The following STAT3 variants were observed in gnomAD, a reference collection of about 807,000 sequenced individuals.
STAT3 encodes the protein DNA-binding protein APRF.
In STAT3, 7 loss-of-function variants were observed where a neutral mutation model predicts 114.3. The observed-to-expected ratio is 0.06, with a 90% CI of 0.03 to 0.11. The LOEUF (loss-of-function observed/expected upper bound fraction) is 0.11. Among genes scored for constraint, STAT3 ranks in the 10% least tolerant of loss-of-function variants. STAT3 has a pLI of 1.00. For missense variants in STAT3, 364 were observed against 960.9 expected, an observed-to-expected ratio of 0.38 and a Z score of 8.21; for synonymous variants, 331 against 354.5, an observed-to-expected ratio of 0.93 and a Z score of 0.74.
intron 1 of STAT3, among the ~76,000 whole-genome samples, chr17:42,359,324 C>G (rs2083394483): frequency 6.6e-6 from 1 of 152,142 alleles, no homozygotes; most frequent in Non-Finnish European, 1.5e-5. Flanking sequence ...GTGATAATCA[C>G]TAATCAGCTT....
rs868518205 is a variant in STAT3 at position 42,338,481 on chromosome 17, G to T, written c.550+250C>A. 0.016 allele frequency among the ~76,000 whole-genome samples: 446 copies of T among 27,264 alleles called. No homozygotes were observed. The highest frequency in any genetic ancestry group is 0.048 in the African/African-American group (333 of 6,960). 17.9% of individuals were successfully genotyped at this position (27,264 alleles called of 152,430 possible). On this transcript the variant is annotated intron_variant, in intron 6 of 23. Transcript: ENST00000264657. ...CTCCTGGACCTGAGGGAATACTCCT[G>T]GACCTGAGGGAATACTCCTTGACCT...
chr17:42,323,083 T>C lies in STAT3; in HGVS notation c.1809A>G (p.Pro603=), dbSNP rs766899484. The change falls in exon 20 of 24, where the codon CCA becomes CCG. Residue 603 remains proline (P), a synonymous_variant. Coordinates refer to ENST00000264657, the MANE Select transcript of STAT3 (RefSeq NM_139276.3). ...RERAILSTKP[P]GTFLLRFSES... ...CACTGAATCTTAGCAGGAAGGTGCC[T>C]GGAGGCTTAGTGCTCAAGATGGCCC... 1 of 1,614,198 alleles carries C rather than the reference T, an allele frequency of 6.2e-7. No individual in the cohort carries two copies. The highest frequency in any genetic ancestry group is 8.5e-7 in the Non-Finnish European group (1 of 1,180,034).
chr17:42,367,699 C>A (rs764168815), intron 1 of STAT3, among the ~76,000 whole-genome samples: 1 of 152,172 alleles, frequency 6.6e-6, no homozygotes, highest in African/African-American at 2.4e-5. Flanking sequence ...TCATCGCCCT[C>A]CATTGTTCAT....
chr17:42,315,930 G>C lies in STAT3; in HGVS notation c.2258-130C>G, dbSNP rs545531357. 1.9e-6 allele frequency: 3 copies of C among 1,566,568 alleles called. No individual in the cohort carries two copies. In the African/African-American group the frequency reaches 4.1e-5, roughly 21 times the overall value. On this transcript the variant is annotated intron_variant, in intron 23 of 23. Transcript: ENST00000264657. Reference sequence around the variant, plus strand: ...CCAATCTCCTGCCCCTTAAGGCCCAGGGATGGTCAGAAAAGCCAGATTTAC... The same window carrying C: ...CCAATCTCCTGCCCCTTAAGGCCCACGGATGGTCAGAAAAGCCAGATTTAC...
rs764577805 is a variant in STAT3 at position 42,333,938 on chromosome 17, C to T, written c.909G>A (p.Pro303=). 14 of 1,614,222 alleles carry T rather than the reference C, an allele frequency of 8.7e-6. No individual in the cohort carries two copies. The highest frequency in any genetic ancestry group is 1.2e-5 in the Non-Finnish European group (14 of 1,180,052). ...GCTCCACGATTCTCTCCTCCAGCAT[C>T]GGCCGGTGCTGTACAATGGGGTCCC... is the stretch of plus-strand genomic sequence containing the variant. The part of the protein sequence containing the change: ...YKGDPIVQHR[P]MLEERIVELF... Residue 303 remains proline, a synonymous_variant, in exon 9 of 24, where the codon CCG becomes CCA. Coordinates refer to ENST00000264657, the MANE Select transcript of STAT3 (RefSeq NM_139276.3). This position sits in a 1 kb window ranked among gnomAD's most constrained non-coding sequence, Gnocchi z 5.2.
intron 1 of STAT3, among the ~76,000 whole-genome samples, chr17:42,354,985 G>A (rs559268589): frequency 1.3e-5 from 2 of 152,134 alleles, no homozygotes; most frequent in East Asian, 3.9e-4. Flanking sequence ...TACTTCCATA[G>A]TCTTCTCCTT....
At chr17:42,351,732 G>C (rs1296588435) in intron 1 of STAT3, among the ~76,000 whole-genome samples, 2 of 151,938 alleles carry the variant, frequency 1.3e-5, no homozygotes, top group East Asian at 3.9e-4. Context: ...AGGCCAATAC[G>C]CTTCTATAAA....
intron 1 of STAT3, among the ~76,000 whole-genome samples, chr17:42,377,503 T>C (rs780229131): frequency 3.4e-4 from 51 of 152,200 alleles, no homozygotes; most frequent in Non-Finnish European, 6.5e-4. Flanking sequence ...CTGCTATATA[T>C]GGAAGGAACA....
intron 1 of STAT3, among the ~76,000 whole-genome samples, chr17:42,378,700 C>G (rs2084610049): frequency 6.6e-6 from 1 of 152,148 alleles, no homozygotes; most frequent in African/African-American, 2.4e-5. Flanking sequence ...GAAAAAAATT[C>G]AAAGGCCGAC....
chr17:42,357,991 C>T (rs2083309175), intron 1 of STAT3, among the ~76,000 whole-genome samples: 1 of 152,090 alleles, frequency 6.6e-6, no homozygotes, highest in Non-Finnish European at 1.5e-5. Context: ...CTGTAATGTT[C>T]AATTACATAT....
intron 1 of STAT3, among the ~76,000 whole-genome samples, chr17:42,384,557 A>AT (rs35561964): frequency 1.9e-3 from 283 of 145,288 alleles, no homozygotes; most frequent in Middle Eastern, 0.018. Context: ...GCTACCAGGA[A>AT]TTTTTTTTTT....
rs564886780 is a variant in STAT3, at chr17:42,382,168, C to G, written c.-24+6111G>C. On this transcript the variant is annotated intron_variant, in intron 1 of 23. Coordinates refer to ENST00000264657, the MANE Select transcript of STAT3 (RefSeq NM_139276.3). Reference sequence around the variant, plus strand: ...CTATAAAACCCTATTCAGGTGTTCCCATCTGATAAAGCCCCTCAATAATGA... The same window carrying G: ...CTATAAAACCCTATTCAGGTGTTCCGATCTGATAAAGCCCCTCAATAATGA... Among the ~76,000 whole-genome samples the G allele has an allele frequency of 5.3e-4, 80 of 152,296 alleles. 3 individuals are homozygous for G. In the South Asian group the frequency reaches 0.016, roughly 31 times the overall value.
At chr17:42,323,223 G>C (rs773263784) in intron 19 of STAT3, 37 bp downstream of exon 19, 2 of 1,613,986 alleles carry the variant, frequency 1.2e-6, no homozygotes, top group Non-Finnish European at 1.7e-6. Flanking sequence ...GAGAGCAGGG[G>C]ACTTGGTTAC....
rs1355890980 is a variant in STAT3 at position 42,313,886 on chromosome 17, T to C, written c.*1859A>G. 1 of 232,646 alleles carries C rather than the reference T, an allele frequency of 4.3e-6. No individual in the cohort carries two copies. Among genetic ancestry groups the C allele is most frequent in the Non-Finnish European group, 8.5e-6 (1 of 117,408 alleles). The allele number at this position is 232,646 out of a possible 1,614,324, so 14.4% of individuals were successfully genotyped here. ...GGCAGGAGGACTGGGGCGAACCCTG[T>C]TCATCTTAGAGAAGGTCGTCTCCCC... On this transcript the variant is annotated 3_prime_UTR_variant, in exon 24 of 24. Transcript: ENST00000264657.
chr17:42,358,906 G>A (rs950740426), intron 1 of STAT3, among the ~76,000 whole-genome samples: 5 of 147,902 alleles, frequency 3.4e-5, no homozygotes, highest in African/African-American at 1.2e-4. Flanking sequence ...CTTTCCCCCA[G>A]GGTCTCCCTT....
rs17880900 is a variant in STAT3 at position 42,331,448 on chromosome 17, C to T, written c.1109+24G>A. 1.7e-4 allele frequency: 265 copies of T among 1,596,674 alleles called. 2 individuals carry two copies. In the African/African-American group the frequency reaches 3.3e-3, roughly 20 times the overall value. The stretch of plus-strand genomic sequence containing the variant: ...ATTTTTCTATTCCTCATTTGAAAAA[C>T]AGAGCTAAGATAGGAGTACTTACTT... On this transcript the variant is annotated intron_variant, in intron 11 of 23. Transcript: ENST00000264657.
intron 1 of STAT3, among the ~76,000 whole-genome samples, chr17:42,353,131 C>T (rs113677368): frequency 0.061 from 9,268 of 151,980 alleles, 342 homozygotes; most frequent in Non-Finnish European, 0.074. Context: ...GTGGATCACC[C>T]GAGGTCAGGA....
chr17:42,370,984 T>C (rs1425016106), intron 1 of STAT3, among the ~76,000 whole-genome samples: 1 of 152,098 alleles, frequency 6.6e-6, no homozygotes, highest in Non-Finnish European at 1.5e-5. Context: ...TAGCCTAACA[T>C]AAAGCAGAAA....
intron 1 of STAT3, among the ~76,000 whole-genome samples, chr17:42,351,670 A>C (rs1259313285): frequency 6.6e-6 from 1 of 152,188 alleles, no homozygotes; most frequent in African/African-American, 2.4e-5. Context: ...CTGGTGAAAA[A>C]GCTCAGTAAA....
Sources: allele counts gnomAD v4.1 joint callset (sites outside exome capture counted in the v4.1 genomes callset), GRCh38; gene constraint gnomAD v4.1.1; non-coding constraint Gnocchi (gnomAD v3.1); transcripts MANE v1.5; gene names NCBI Gene and HGNC (gene_info 2026-07-23, HGNC 2026-07-21).